SPIN1: variants seen among roughly 807,000 people sequenced by gnomAD.
The protein encoded by SPIN1 is spindlin 1.
In SPIN1, 3 loss-of-function variants were observed where a neutral mutation model predicts 26.0. The ratio of observed to expected loss-of-function variants is 0.12; its 90% CI spans 0.05 to 0.30. The LOEUF (loss-of-function observed/expected upper bound fraction) is 0.30, where lower values mean the gene tolerates loss of function less well. SPIN1 is among the 10% of genes least tolerant of loss of function. SPIN1 has a pLI of 1.00. For missense variants in SPIN1, 126 were observed against 333.4 expected (o/e 0.38, Z 4.84); for synonymous variants, 101 against 116.5 (o/e 0.87, Z 0.86).
chr9:88,473,739 G>A (rs886805162), intron 5 of SPIN1, among the ~76,000 whole-genome samples: 5 of 152,006 alleles, frequency 3.3e-5, no homozygotes, highest in African/African-American at 7.3e-5. Flanking sequence ...GGTCCTGGTC[G>A]CGTACCCGCT....
chr9:88,435,900 T>C (rs2118069693), intron 2 of SPIN1, among the ~76,000 whole-genome samples: 1 of 152,312 alleles, frequency 6.6e-6, no homozygotes, highest in East Asian at 1.9e-4. Context: ...TATGTGTTTA[T>C]GTTGCTTTTC....
intron 2 of SPIN1, among the ~76,000 whole-genome samples, chr9:88,426,996 G>GT (rs2118025527): frequency 6.6e-6 from 1 of 152,276 alleles, no homozygotes; most frequent in African/African-American, 2.4e-5. Context: ...AAGTTTACTG[G>GT]TGTGGAAATT....
chr9:88,469,585 G>C (rs946721571), intron 5 of SPIN1, among the ~76,000 whole-genome samples: 1 of 143,752 alleles, frequency 7.0e-6, no homozygotes, highest in Non-Finnish European at 1.5e-5. Flanking sequence ...TGTGGTCTTG[G>C]CTCACTGCAA....
intron 1 of SPIN1, among the ~76,000 whole-genome samples, chr9:88,390,030 A>G (rs1042748572): frequency 6.6e-6 from 1 of 152,216 alleles, no homozygotes; most frequent in Non-Finnish European, 1.5e-5. Context: ...TAAGGTTGTA[A>G]AGAATGTGTA....
At chr9:88,395,615 C>A (rs931277641) in intron 1 of SPIN1, among the ~76,000 whole-genome samples, 1 of 151,938 alleles carries the variant, frequency 6.6e-6, no homozygotes, top group Non-Finnish European at 1.5e-5. Context: ...CTTTTTAAAA[C>A]TTTTTAATTT....
chr9:88,442,733 A>T (rs2118104768), intron 2 of SPIN1, among the ~76,000 whole-genome samples: 1 of 149,774 alleles, frequency 6.7e-6, no homozygotes, highest in Non-Finnish European at 1.5e-5. Flanking sequence ...TGAATATGAT[A>T]CTCTTTGGTG....
At chr9:88,465,058 G>T (rs2118201135) in intron 4 of SPIN1, among the ~76,000 whole-genome samples, 2 of 152,248 alleles carry the variant, frequency 1.3e-5, no homozygotes, top group South Asian at 4.1e-4. Context: ...CTCAAAGTTG[G>T]TTCATGTTGT....
chr9:88,465,571 C>A (rs1184237295), intron 4 of SPIN1, among the ~76,000 whole-genome samples: 1 of 152,158 alleles, frequency 6.6e-6, no homozygotes, highest in Non-Finnish European at 1.5e-5. Flanking sequence ...TTTTTATGTG[C>A]TTGTTGGCCA....
chr9:88,443,329 T>A (rs531145914), intron 2 of SPIN1, among the ~76,000 whole-genome samples: 1 of 152,182 alleles, frequency 6.6e-6, no homozygotes, highest in Non-Finnish European at 1.5e-5. Flanking sequence ...CTTTGGTTAG[T>A]CCTGTCCAGT....
At chr9:88,410,162 AGT>A (rs138037814) in intron 1 of SPIN1, among the ~76,000 whole-genome samples, 1,809 of 132,902 alleles carry the variant, frequency 0.014, 14 homozygotes, top group South Asian at 0.028. Flanking sequence ...GCATATATTT[AGT>A]GTGTGTGTGT....
rs2118191238 is a variant in SPIN1, at chr9:88,462,586, G to A, written c.192G>A (p.Glu64=). Residue 64 remains glutamate, a synonymous_variant, in exon 4 of 6, where the codon GAG becomes GAA. Transcript: ENST00000375859. ...VGCRIQHGWK[E]GNGPVTQWKG... ...GCAGGATTCAGCATGGGTGGAAAGA[G>A]GGGAATGGCCCTGTTACCCAGTGGA... 1.2e-6 allele frequency: 2 copies of A among 1,614,144 alleles called. No homozygotes were observed. Among genetic ancestry groups the A allele is most frequent in the Non-Finnish European group, 1.7e-6 (2 of 1,180,024 alleles).
At chr9:88,414,409 C>T (rs1022656859) in intron 1 of SPIN1, among the ~76,000 whole-genome samples, 5 of 152,196 alleles carry the variant, frequency 3.3e-5, no homozygotes, top group African/African-American at 1.2e-4. Context: ...GATGCCCTGT[C>T]CCTCTCAGGA....
chr9:88,408,266 T>TC (rs1304558085), intron 1 of SPIN1, among the ~76,000 whole-genome samples: 1 of 136,430 alleles, frequency 7.3e-6, no homozygotes. Context: ...CTTTACCCCC[T>TC]CCCCCCACCT....
At chr9:88,454,292 T>C (rs966324974) in intron 3 of SPIN1, among the ~76,000 whole-genome samples, 2 of 152,220 alleles carry the variant, frequency 1.3e-5, no homozygotes, top group African/African-American at 4.8e-5. Flanking sequence ...AAAATCACTA[T>C]ATTCAAAGAA....
intron 1 of SPIN1, among the ~76,000 whole-genome samples, chr9:88,393,444 G>GTTTTT (rs1385162267): frequency 8.6e-6 from 1 of 116,608 alleles, no homozygotes; most frequent in African/African-American, 4.2e-5. Context: ...CTTGCTTTTG[G>GTTTTT]GTTTTTTTTT....
chr9:88,434,372 A>T (rs1467274154), intron 2 of SPIN1, among the ~76,000 whole-genome samples: 1 of 134,662 alleles, frequency 7.4e-6, no homozygotes, highest in Non-Finnish European at 1.5e-5. Flanking sequence ...AAAATAGTTT[A>T]TTTTATAAAT....
intron 2 of SPIN1, among the ~76,000 whole-genome samples, chr9:88,435,301 G>A (rs908985714): frequency 2.7e-5 from 4 of 150,734 alleles, no homozygotes; most frequent in Non-Finnish European, 5.9e-5. Context: ...CTGCAGCCTC[G>A]ACCTCCTGGA....
chr9:88,406,872 T>C lies in SPIN1; in HGVS notation c.-159+18334T>C, dbSNP rs950572418. 2.0e-5 allele frequency among the ~76,000 whole-genome samples: 3 copies of C among 152,194 alleles called. No homozygotes were observed. In the South Asian group the frequency reaches 6.2e-4, roughly 31 times the overall value. On this transcript the variant is annotated intron_variant, in intron 1 of 5. Coordinates refer to ENST00000375859, the MANE Select transcript of SPIN1 (RefSeq NM_006717.3). ...TACTTTCCTCCTCTCCTGGATACTC[T>C]GTTGAGCTCATTTTTATTCACATTG...
intron 1 of SPIN1, among the ~76,000 whole-genome samples, chr9:88,400,028 C>T (rs1414134520): frequency 6.6e-6 from 1 of 152,182 alleles, no homozygotes; most frequent in African/African-American, 2.4e-5. Flanking sequence ...TGCTCTGCTG[C>T]CTTTCCCGGA....
Sources: gnomAD v4.1 joint callset for allele counts (sites outside exome capture counted in the v4.1 genomes callset) on GRCh38, gnomAD v4.1.1 for gene constraint, MANE v1.5 for transcripts, NCBI Gene and HGNC (gene_info 2026-07-23, HGNC 2026-07-21) for gene names.